The following DGKH variants were observed in gnomAD, a reference collection of about 807,000 sequenced individuals.
DGKH encodes DAG kinase eta.
A neutral mutation model predicts 159.3 loss-of-function variants in DGKH; 90 were observed. That is an observed-to-expected ratio of 0.57 (90% CI 0.48 to 0.67). DGKH has a LOEUF of 0.67. DGKH is among the 30% of genes least tolerant of loss of function. The pLI, the probability that DGKH is intolerant of heterozygous loss-of-function variation, is 0.00. For missense variants in DGKH, 1,181 were observed against 1,506.1 expected (o/e 0.78, Z 3.57); for synonymous variants, 536 against 553.8 (o/e 0.97, Z 0.45).
rs1334674359 is a variant in DGKH at position 42,239,742 on chromosome 13, A to C, written c.*10554A>C. ...CTAAAACAAATTTGCTAAAGTTCTT[A>C]AGTAGGCTCTTTTTTCTCTAAATTA... On this transcript the variant is annotated 3_prime_UTR_variant, in exon 30 of 30. Transcript: ENST00000337343. 1 of 152,532 alleles carries C rather than the reference A, an allele frequency of 6.6e-6. No individual in the cohort carries two copies. Among genetic ancestry groups the C allele is most frequent in the Non-Finnish European group, 1.5e-5 (1 of 67,992 alleles). 9.4% of individuals were successfully genotyped at this position (152,532 alleles called of 1,614,324 possible).
intron 1 of DGKH, among the ~76,000 whole-genome samples, chr13:42,112,918 C>T (rs1024882642): frequency 1.3e-5 from 2 of 152,200 alleles, no homozygotes; most frequent in Non-Finnish European, 2.9e-5. Flanking sequence ...TCCCAGCACA[C>T]AGGGTTGAGT....
chr13:42,084,023 T>C (rs865870101), intron 1 of DGKH, among the ~76,000 whole-genome samples: 4 of 152,146 alleles, frequency 2.6e-5, no homozygotes, highest in Middle Eastern at 6.8e-3. Flanking sequence ...GCGACCAAAA[T>C]ATGAGAGCAA....
At chr13:42,184,910 A>T in intron 13 of DGKH, among the ~76,000 whole-genome samples, 1 of 151,442 alleles carries the variant, frequency 6.6e-6, no homozygotes, top group Non-Finnish European at 1.5e-5. Flanking sequence ...TCTAACATTG[A>T]TTAAAGATAT....
At chr13:42,159,878 G>A (rs1956135586) in intron 6 of DGKH, 133 bp from the exon 7 acceptor site, 1 of 1,273,428 alleles carries the variant, frequency 7.9e-7, no homozygotes, top group African/African-American at 1.5e-5. Context: ...AATAAACGTG[G>A]GGTAAATGAG....
intron 1 of DGKH, among the ~76,000 whole-genome samples, chr13:42,067,517 A>G (rs1882663634): frequency 6.6e-6 from 1 of 152,180 alleles, no homozygotes; most frequent in African/African-American, 2.4e-5. Flanking sequence ...TGTTCATGTC[A>G]TAGAAAAATG....
chr13:42,248,431 A>AAT lies in DGKH; in HGVS notation n.4055-3968_4055-3967dup, dbSNP rs200451021. ...ACAGAGCGAGACACCGTCTCAAAAA[A>AAT]ATATATATATAATATAGATATACAT... On this transcript the variant is annotated intron_variant and non_coding_transcript_variant, in intron 29 of 30. Transcript: ENST00000498255. 5.3e-3 allele frequency among the ~76,000 whole-genome samples: 791 copies of AAT among 148,034 alleles called. 6 individuals are homozygous for AAT. The highest frequency in any genetic ancestry group is 0.018 in the African/African-American group (750 of 40,694).
intron 1 of DGKH, among the ~76,000 whole-genome samples, chr13:42,072,772 C>T (rs1019091179): frequency 2.0e-5 from 3 of 152,172 alleles, no homozygotes; most frequent in African/African-American, 7.2e-5. Flanking sequence ...GGATTTTCAA[C>T]TAATAAAAGT....
At chr13:42,136,964 A>G (rs552006800) in intron 3 of DGKH, among the ~76,000 whole-genome samples, 1 of 152,364 alleles carries the variant, frequency 6.6e-6, no homozygotes, top group South Asian at 2.1e-4. Context: ...CTTATGGCAC[A>G]TCAAATATCA....
At chr13:42,055,883 C>T (rs1484301841) in intron 1 of DGKH, among the ~76,000 whole-genome samples, 1 of 152,198 alleles carries the variant, frequency 6.6e-6, no homozygotes, top group East Asian at 1.9e-4. Context: ...GGCACCGTGG[C>T]TCATGCCTGT....
intron 29 of DGKH, among the ~76,000 whole-genome samples, chr13:42,222,718 C>T (rs1483373122): frequency 1.3e-5 from 2 of 152,108 alleles, no homozygotes; most frequent in South Asian, 2.1e-4. Context: ...TGATACCTGT[C>T]CTCTAGAAGC....
intron 15 of DGKH, among the ~76,000 whole-genome samples, chr13:42,189,589 A>C (rs1004378794): frequency 2.6e-5 from 4 of 152,206 alleles, no homozygotes; most frequent in Admixed American, 6.5e-5. Flanking sequence ...ACATTTAAAA[A>C]ATTTTAGATA....
At chr13:42,092,383 A>ATG (rs1437482337) in intron 1 of DGKH, among the ~76,000 whole-genome samples, 1 of 149,046 alleles carries the variant, frequency 6.7e-6, no homozygotes, top group Non-Finnish European at 1.5e-5. Flanking sequence ...TGGTATATAT[A>ATG]CAAAATAAAA....
intron 11 of DGKH, 124 bp from the exon 12 acceptor site, chr13:42,173,936 C>A: frequency 3.8e-6 from 2 of 531,628 alleles, no homozygotes; most frequent in Non-Finnish European, 6.5e-6. Flanking sequence ...AACCATAGTT[C>A]ATGAATGTGT....
intron 30 of DGKH, among the ~76,000 whole-genome samples, chr13:42,253,515 A>G (rs963606413): frequency 6.6e-6 from 1 of 152,208 alleles, no homozygotes; most frequent in East Asian, 1.9e-4. Context: ...TAGCTAGTCT[A>G]TGGTATTTTG....
chr13:42,153,814 A>T (rs1050998796), intron 3 of DGKH: 2 of 152,248 alleles, frequency 1.3e-5, no homozygotes, highest in African/African-American at 4.8e-5. Context: ...AAGAAAATGC[A>T]AAAGTGAGGT....
At chr13:42,195,219 G>C (rs1453005151) in intron 17 of DGKH, among the ~76,000 whole-genome samples, 1 of 151,960 alleles carries the variant, frequency 6.6e-6, no homozygotes, top group African/African-American at 2.4e-5. Flanking sequence ...CACTTGTTTC[G>C]GCCAGGTGCA....
intron 11 of DGKH, among the ~76,000 whole-genome samples, chr13:42,171,865 T>C (rs1274909760): frequency 6.8e-6 from 1 of 146,822 alleles, no homozygotes; most frequent in Non-Finnish European, 1.5e-5. Flanking sequence ...AGTCTCGCTC[T>C]GTAGCCCAGG....
In DGKH at chr13:42,155,810, A is replaced by G; in HGVS notation, c.622+11A>G. 1 of 1,613,934 alleles carries G rather than the reference A, an allele frequency of 6.2e-7. No individual in the cohort carries two copies. The highest frequency in any genetic ancestry group is 8.5e-7 in the Non-Finnish European group (1 of 1,179,964). ...GCCTGTCCTGCGAAGGTACTGTAGC[A>G]CCTAGCATGTGTTTTCTCCCAACAG... On this transcript the variant is annotated intron_variant, in intron 5 of 29. Transcript: ENST00000337343.
At chr13:42,064,020 AAG>A (rs1339924991) in intron 1 of DGKH, among the ~76,000 whole-genome samples, 3 of 152,210 alleles carry the variant, frequency 2.0e-5, no homozygotes, top group East Asian at 1.9e-4. Context: ...GATGCAAAAA[AAG>A]AGAGGAGAAT....
Sources: gnomAD v4.1 joint callset for allele counts (sites outside exome capture counted in the v4.1 genomes callset) on GRCh38, gnomAD v4.1.1 for gene constraint, MANE v1.5 for transcripts, NCBI Gene and HGNC (gene_info 2026-07-23, HGNC 2026-07-21) for gene names.